The following PRKCA variants were observed in gnomAD, a reference collection of about 807,000 sequenced individuals.
The protein encoded by PRKCA is protein kinase C alpha type.
In PRKCA, 27 loss-of-function variants were observed where a neutral mutation model predicts 87.0. The ratio of observed to expected loss-of-function variants is 0.31; its 90% confidence interval spans 0.23 to 0.43. PRKCA has a LOEUF of 0.43. PRKCA is among the 20% of genes least tolerant of loss of function. PRKCA has a pLI of 1.00. For missense variants in PRKCA, 518 were observed against 852.3 expected, an observed-to-expected ratio of 0.61 and a Z score of 4.88; for synonymous variants, 329 against 311.1, an observed-to-expected ratio of 1.06 and a Z score of -0.61.
At chr17:66,539,445 C>T (rs1227388894) in intron 3 of PRKCA, among the ~76,000 whole-genome samples, 2 of 150,622 alleles carry the variant, frequency 1.3e-5, no homozygotes, top group African/African-American at 4.9e-5. Flanking sequence ...GCTCTGTCCT[C>T]CAGGCTGGAT....
intron 14 of PRKCA, among the ~76,000 whole-genome samples, chr17:66,784,290 G>A (rs1416080228): frequency 6.6e-6 from 1 of 152,080 alleles, no homozygotes; most frequent in Non-Finnish European, 1.5e-5. Context: ...CTGTCTCCCA[G>A]GCTAGAGTGC....
At chr17:66,677,120 C>T (rs1972358737) in intron 5 of PRKCA, 2 of 72,234 alleles carry the variant, frequency 2.8e-5, no homozygotes, top group Non-Finnish European at 6.1e-5. Flanking sequence ...CGCTCTGTCG[C>T]CCAGGCTGGA....
At chr17:66,377,602 A>T (rs1598625250) in intron 2 of PRKCA, among the ~76,000 whole-genome samples, 2 of 144,632 alleles carry the variant, frequency 1.4e-5, no homozygotes, top group East Asian at 3.9e-4. Context: ...TCTATATTTT[A>T]TATATATAAT....
At chr17:66,577,170 C>T (rs1969265011) in intron 3 of PRKCA, among the ~76,000 whole-genome samples, 1 of 152,166 alleles carries the variant, frequency 6.6e-6, no homozygotes, top group African/African-American at 2.4e-5. Context: ...GTGCCTGGCC[C>T]TGTGATGCAC....
intron 2 of PRKCA, among the ~76,000 whole-genome samples, chr17:66,474,607 G>A (rs1459306887): frequency 6.6e-6 from 1 of 152,194 alleles, no homozygotes; most frequent in Admixed American, 6.5e-5. Context: ...TGTAAAATGT[G>A]CTGCAGATAT....
At chr17:66,675,459 G>T (rs1200575737) in intron 5 of PRKCA, among the ~76,000 whole-genome samples, 1 of 152,184 alleles carries the variant, frequency 6.6e-6, no homozygotes, top group Non-Finnish European at 1.5e-5. Flanking sequence ...ATGACCCAGA[G>T]GAAGGCTGCT....
intron 13 of PRKCA, among the ~76,000 whole-genome samples, chr17:66,761,363 C>T (rs535849429): frequency 1.6e-4 from 23 of 140,154 alleles, no homozygotes; most frequent in Admixed American, 3.5e-4. Flanking sequence ...AGCAAGACTC[C>T]GTCTCAAAAA....
chr17:66,459,184 G>A (rs1364568503), intron 2 of PRKCA, among the ~76,000 whole-genome samples: 1 of 149,702 alleles, frequency 6.7e-6, no homozygotes, highest in Non-Finnish European at 1.5e-5. Context: ...TCCAGCCTGG[G>A]CCATCTGGCA....
chr17:66,774,360 G>T (rs987194733), intron 14 of PRKCA: 13 of 1,202,964 alleles, frequency 1.1e-5, no homozygotes, highest in African/African-American at 7.8e-5. Flanking sequence ...GTGGCTCATG[G>T]CTATAATCCC....
chr17:66,777,909 C>G, intron 14 of PRKCA: 1 of 985,372 alleles, frequency 1.0e-6, no homozygotes, highest in Non-Finnish European at 1.2e-6. Flanking sequence ...CTCTCCAAGC[C>G]TTCCTGGGAT....
intron 13 of PRKCA, among the ~76,000 whole-genome samples, chr17:66,773,064 C>T (rs1483584054): frequency 6.6e-6 from 1 of 152,124 alleles, no homozygotes; most frequent in Admixed American, 6.5e-5. Flanking sequence ...CTCCTGGGCT[C>T]AAGTGATCCT....
At chr17:66,397,317 C>G (rs960520680) in intron 2 of PRKCA, among the ~76,000 whole-genome samples, 3 of 112,074 alleles carry the variant, frequency 2.7e-5, no homozygotes, top group African/African-American at 9.8e-5. Flanking sequence ...ATATTTGTTG[C>G]CAAGTTACCC....
chr17:66,681,057 C>T (rs906823862), intron 5 of PRKCA, among the ~76,000 whole-genome samples: 2 of 152,094 alleles, frequency 1.3e-5, no homozygotes, highest in Non-Finnish European at 2.9e-5. Flanking sequence ...GGTGAAACCC[C>T]GTCTCTACTA....
At chr17:66,659,583 A>G (rs1971834365) in intron 5 of PRKCA, among the ~76,000 whole-genome samples, 1 of 152,190 alleles carries the variant, frequency 6.6e-6, no homozygotes, top group South Asian at 2.1e-4. Flanking sequence ...TTTAAAAATT[A>G]AAAATAAAAA....
intron 2 of PRKCA, among the ~76,000 whole-genome samples, chr17:66,332,230 T>TTCCTTC (rs1598596864): frequency 1.6e-4 from 16 of 98,816 alleles, no homozygotes; most frequent in East Asian, 1.5e-3. Flanking sequence ...TCCTTCCTTC[T>TTCCTTC]TTTTTTTTTT....
chr17:66,680,730 C>G (rs1232619205), intron 5 of PRKCA, among the ~76,000 whole-genome samples: 1 of 152,096 alleles, frequency 6.6e-6, no homozygotes, highest in Non-Finnish European at 1.5e-5. Context: ...CTCTGCATGA[C>G]CTTACTTTGA....
chr17:66,639,771 T>G (rs1256711734), intron 3 of PRKCA, among the ~76,000 whole-genome samples: 1 of 151,886 alleles, frequency 6.6e-6, no homozygotes, highest in Non-Finnish European at 1.5e-5. Context: ...CCGAAGCAAG[T>G]AGATCACCTG....
In PRKCA at chr17:66,738,862, A is replaced by G. The variant is rs1974096213; in HGVS notation, c.1322+7A>G. On this transcript the variant is annotated splice_region_variant and intron_variant, in intron 11 of 16. Coordinates refer to ENST00000413366, the MANE Select transcript of PRKCA (RefSeq NM_002737.3). ...TTAAGGAACCACAAGCAGTGTGAGT[A>G]TTATTTTTTAAGTCCTTTAATTTGA... 1.2e-6 allele frequency: 2 copies of G among 1,605,668 alleles called. No homozygotes were observed. Among genetic ancestry groups the G allele is most frequent in the African/African-American group, 2.7e-5 (2 of 74,696 alleles).
chr17:66,496,411 G>A (rs1916475801), intron 3 of PRKCA, 128 bp downstream of exon 3: 3 of 744,168 alleles, frequency 4.0e-6, no homozygotes, highest in East Asian at 2.6e-5. Flanking sequence ...ATAGAGCGTT[G>A]GCTTGTAGTA....
Sources: allele counts gnomAD v4.1 joint callset (sites outside exome capture counted in the v4.1 genomes callset), GRCh38; gene constraint gnomAD v4.1.1; transcripts MANE v1.5; gene names NCBI Gene and HGNC (gene_info 2026-07-23, HGNC 2026-07-21).